LRRK2: variants seen among roughly 807,000 people sequenced by gnomAD.
The protein encoded by LRRK2 is leucine-rich repeat serine/threonine-protein kinase 2.
A neutral mutation model predicts 302.6 loss-of-function variants in LRRK2; 203 were observed. The observed-to-expected ratio is 0.67, with a 90% CI of 0.60 to 0.75. The LOEUF is 0.75. Ranked by LOEUF, LRRK2 falls within the 30% of genes least tolerant of loss-of-function variation. The pLI, the probability that LRRK2 is intolerant of heterozygous loss-of-function variation, is 0.00. For synonymous variants in LRRK2, 1,066 were observed against 1,031.9 expected, an observed-to-expected ratio of 1.03 and a Z score of -0.63; for missense variants, 2,830 against 2,951.0, an observed-to-expected ratio of 0.96 and a Z score of 0.95.
intron 40 of LRRK2, among the ~76,000 whole-genome samples, chr12:40,335,828 A>G: frequency 6.6e-6 from 1 of 152,098 alleles, no homozygotes; most frequent in Admixed American, 6.6e-5. Context: ...CCCCTCTGCC[A>G]TTGCTCCCCA....
chr12:40,300,718 A>G lies in LRRK2; in HGVS notation c.3496+1461A>G, dbSNP rs1944591561. The stretch of plus-strand genomic sequence containing the variant: ...AAAGCAAACTCGGTCTCTGTCCTTA[A>G]GGAACTTGTGATTAAGTTCAGAGCA... On this transcript the variant is annotated intron_variant, in intron 25 of 50. Coordinates refer to ENST00000298910, the MANE Select transcript of LRRK2 (RefSeq NM_198578.4). 4 of 458,804 alleles carry G rather than the reference A, an allele frequency of 8.7e-6. No homozygotes were observed. In the Admixed American group the frequency reaches 9.6e-5, roughly 11 times the overall value. 28.4% of individuals were successfully genotyped at this position (458,804 alleles called of 1,614,324 possible).
intron 24 of LRRK2, among the ~76,000 whole-genome samples, chr12:40,298,799 A>ATATATATATATATATATAAT (rs1555185349): frequency 1.5e-5 from 1 of 64,802 alleles, no homozygotes; most frequent in African/African-American, 5.2e-5. Flanking sequence ...ATATATATAT[A>ATATATATATATATATATAAT]ATATATGTAT....
intron 2 of LRRK2, among the ~76,000 whole-genome samples, chr12:40,229,366 C>T (rs905438248): frequency 1.3e-5 from 2 of 152,030 alleles, no homozygotes; most frequent in Admixed American, 6.5e-5. Context: ...TTCTAGATGC[C>T]ATTTAACATG....
intron 1 of LRRK2, 89 bp from the exon 2 acceptor site, chr12:40,225,466 T>C: frequency 7.5e-7 from 1 of 1,337,116 alleles, no homozygotes; most frequent in Non-Finnish European, 1.1e-6. Flanking sequence ...CTTCACCTTT[T>C]TGACTTTTCT....
rs35801418 is a variant in LRRK2, at chr12:40,321,114, A to C, written c.5096A>C (p.Tyr1699Ser). The part of the protein sequence containing the change: ...EIIIRLYEMP[Y>S]FPMGFWSRLI... ...ATCATCCGACTATATGAAATGCCTT[A>C]TTTTCCAATGGGATTTTGGTCAAGA... Residue 1699 changes from tyrosine (Y) to serine (S), a missense_variant, in exon 35 of 51, where the codon TAT becomes TCT. Around this residue, in one of 3 missense-constraint regions of LRRK2, gnomAD observed 2,121 missense variants for 2,148.0 expected, o/e 0.99. Coordinates refer to ENST00000298910, the MANE Select transcript of LRRK2 (RefSeq NM_198578.4). The C allele has an allele frequency of 6.2e-7, 1 of 1,612,708 alleles. No homozygotes were observed. Among genetic ancestry groups the C allele is most frequent in the South Asian group, 1.1e-5 (1 of 91,068 alleles).
intron 31 of LRRK2, among the ~76,000 whole-genome samples, chr12:40,311,184 T>C (rs1475968957): frequency 1.3e-5 from 2 of 152,154 alleles, no homozygotes; most frequent in Non-Finnish European, 2.9e-5. Context: ...TTTTATTTAG[T>C]CATGAAGACC....
rs1158794182 is a variant in LRRK2 at position 40,249,896 on chromosome 12, A to G, written c.909A>G (p.Pro303=). 4.3e-6 allele frequency: 7 copies of G among 1,613,808 alleles called. No homozygotes were observed. Among genetic ancestry groups the G allele is most frequent in the Non-Finnish European group, 5.9e-6 (7 of 1,179,852 alleles). Residue 303 remains proline (P), a synonymous_variant, in exon 8 of 51, where the codon CCA becomes CCG. Transcript: ENST00000298910. ...EFVVKAVQQY[P]ENAALQISAL... ...TGGTGAAAGCTGTGCAGCAGTACCC[A>G]GAGAATGCAGCATTGCAGATCTCAG... is the stretch of plus-strand genomic sequence containing the variant.
intron 19 of LRRK2, among the ~76,000 whole-genome samples, chr12:40,285,061 C>A (rs1043481425): frequency 6.6e-6 from 1 of 152,082 alleles, no homozygotes; most frequent in Admixed American, 6.6e-5. Context: ...GCTGAATTTT[C>A]CTCGGTTTCT....
intron 49 of LRRK2, 132 bp downstream of exon 49, chr12:40,365,182 T>A (rs1336710556): frequency 1.3e-6 from 1 of 782,858 alleles, no homozygotes; most frequent in Non-Finnish European, 2.1e-6. Context: ...CAGTGAAACA[T>A]AAGACTGGTA....
chr12:40,310,753 T>A, intron 31 of LRRK2, 104 bp downstream of exon 31: 1 of 1,144,190 alleles, frequency 8.7e-7, no homozygotes, highest in Non-Finnish European at 1.3e-6. Context: ...TTGTGGGTTT[T>A]CTTTCCTTGT....
At chr12:40,297,956 G>A (rs914834746) in intron 23 of LRRK2, among the ~76,000 whole-genome samples, 8 of 151,756 alleles carry the variant, frequency 5.3e-5, no homozygotes, top group African/African-American at 1.7e-4. Flanking sequence ...CTTCCATTTT[G>A]CTCTTTCTGG....
At chr12:40,264,013 G>T in intron 14 of LRRK2, 112 bp downstream of exon 14, 1 of 751,890 alleles carries the variant, frequency 1.3e-6, no homozygotes, top group Non-Finnish European at 2.3e-6. Flanking sequence ...GCTATGATAG[G>T]AGGAAGTCAT....
At chr12:40,348,538 T>C (rs911928877) in intron 43 of LRRK2, 29 bp downstream of exon 43, 2 of 1,437,474 alleles carry the variant, frequency 1.4e-6, no homozygotes, top group Non-Finnish European at 2.0e-6. Flanking sequence ...TAATATTTTG[T>C]ACAGAACATC....
chr12:40,363,482 G>A lies in LRRK2; in HGVS notation c.7109G>A (p.Ser2370Asn), dbSNP rs980441788. 6.2e-7 allele frequency: 1 copy of A among 1,611,968 alleles called. No individual in the cohort carries two copies. Among genetic ancestry groups the A allele is most frequent in the African/African-American group, 1.3e-5 (1 of 74,742 alleles). ...GCTCTCTATATTGCTAAGCAAAATA[G>A]CCCTGTTGTGGAAGTGTGGGATAAG... ...DTALYIAKQN[S>N]PVVEVWDKKT... The change falls in exon 48 of 51, where the codon AGC (serine) becomes AAC (asparagine). Residue 2370 changes from serine (S) to asparagine (N), a missense_variant. This residue lies in a region of LRRK2 where 456 missense variants were observed against 456.3 expected (regional missense o/e 1.00). Coordinates refer to ENST00000298910, the MANE Select transcript of LRRK2 (RefSeq NM_198578.4).
At chr12:40,229,765 A>G (rs1440965154) in intron 2 of LRRK2, among the ~76,000 whole-genome samples, 3 of 152,200 alleles carry the variant, frequency 2.0e-5, no homozygotes, top group East Asian at 3.8e-4. Flanking sequence ...TAATGGATCA[A>G]TTGTTACCTC....
chr12:40,304,159 A>T, intron 27 of LRRK2, 25 bp downstream of exon 27: 1 of 1,603,366 alleles, frequency 6.2e-7, no homozygotes, highest in Non-Finnish European at 8.5e-7. Context: ...GCCACTTAAA[A>T]AATATACTTT....
Position 40,322,109 on chromosome 12 carries a change from C to A in LRRK2, c.5245C>A (p.Leu1749Met), listed in dbSNP as rs1475995159. The A allele has an allele frequency of 6.2e-7, 1 of 1,613,048 alleles. No homozygotes were observed. Among genetic ancestry groups the A allele is most frequent in the Admixed American group, 1.7e-5 (1 of 59,934 alleles). The stretch of plus-strand genomic sequence containing the variant: ...AAATTGGTCTCCTGAAGCTTATTGT[C>A]TGGTAGGATCTGAAGTCTTAGACAA... ...YLNWSPEAYC[L>M]VGSEVLDNHP... Residue 1749 changes from leucine to methionine, a missense_variant, in exon 36 of 51, where the codon CTG becomes ATG. Coordinates refer to ENST00000298910, the MANE Select transcript of LRRK2 (RefSeq NM_198578.4).
chr12:40,309,322 C>A (rs1376254084), intron 30 of LRRK2, 89 bp downstream of exon 30: 1 of 1,473,162 alleles, frequency 6.8e-7, no homozygotes, highest in Non-Finnish European at 9.2e-7. Flanking sequence ...TTATTTTGGG[C>A]AAACAATTGC....
chr12:40,340,403 A>T lies in LRRK2; in HGVS notation c.6058A>T (p.Ile2020Phe). The T allele has an allele frequency of 6.2e-7, 1 of 1,613,924 alleles. No homozygotes were observed. Among genetic ancestry groups the T allele is most frequent in the Non-Finnish European group, 8.5e-7 (1 of 1,179,858 alleles). The change falls in exon 41 of 51, where the codon ATT becomes TTT. Residue 2020 changes from isoleucine (I) to phenylalanine (F), a missense_variant. Coordinates refer to ENST00000298910, the MANE Select transcript of LRRK2 (RefSeq NM_198578.4). ...CATTGCAAAGATTGCTGACTACGGC[A>T]TTGCTCAGTACTGCTGTAGAATGGG... Reference protein sequence around the residue: ...AIIAKIADYGIAQYCCRMGIK... With the variant: ...AIIAKIADYGFAQYCCRMGIK...
Sources: allele counts gnomAD v4.1 joint callset (sites outside exome capture counted in the v4.1 genomes callset), GRCh38; gene constraint gnomAD v4.1.1; regional missense constraint gnomAD v4.1.1; transcripts MANE v1.5; gene names NCBI Gene and HGNC (gene_info 2026-07-23, HGNC 2026-07-21).